Variants in CDH23 observed in about 807,000 individuals in gnomAD.
The protein encoded by CDH23 is cadherin-23.
CDH23 carries 189 observed loss-of-function variants against 317.1 expected under a neutral mutation model. The ratio of observed to expected loss-of-function variants is 0.60; its 90% CI spans 0.53 to 0.67. The LOEUF (loss-of-function observed/expected upper bound fraction) is 0.67. CDH23 is among the 30% of genes least tolerant of loss of function. The pLI is 0.00. For synonymous variants in CDH23, 1,839 were observed against 1,876.8 expected (o/e 0.98, Z 0.52); for missense variants, 4,401 against 4,592.4 (o/e 0.96, Z 1.20).
intron 3 of CDH23, among the ~76,000 whole-genome samples, chr10:71,449,034 G>T (rs1850306194): frequency 6.6e-6 from 1 of 152,186 alleles, no homozygotes; most frequent in East Asian, 1.9e-4. Flanking sequence ...ACCAAAATGG[G>T]TGACTGGATC....
intron 14 of CDH23, among the ~76,000 whole-genome samples, chr10:71,661,729 T>G: frequency 8.1e-5 from 1 of 12,388 alleles, no homozygotes; most frequent in Non-Finnish European, 1.7e-4. Context: ...CTGCGCGCCC[T>G]CCCACCCTGC....
chr10:71,425,156 G>C (rs974410228), intron 1 of CDH23, among the ~76,000 whole-genome samples: 2 of 150,220 alleles, frequency 1.3e-5, no homozygotes, highest in African/African-American at 4.9e-5. Flanking sequence ...TGTTGTGGAA[G>C]GTGCCCTGGA....
intron 6 of CDH23, among the ~76,000 whole-genome samples, chr10:71,561,608 G>A (rs935721636): frequency 6.6e-6 from 1 of 152,210 alleles, no homozygotes; most frequent in Non-Finnish European, 1.5e-5. Flanking sequence ...GAATTGCACA[G>A]GGTGGCCCAT....
chr10:71,736,195 C>T (rs543551028), intron 34 of CDH23, among the ~76,000 whole-genome samples: 4 of 152,364 alleles, frequency 2.6e-5, no homozygotes, highest in East Asian at 1.9e-4. Flanking sequence ...TGCCCTCTTC[C>T]GGTTAGCAGG....
At chr10:71,635,939 T>G (rs1862247796) in intron 11 of CDH23, among the ~76,000 whole-genome samples, 1 of 151,942 alleles carries the variant, frequency 6.6e-6, no homozygotes. Context: ...GGGCAAGGAT[T>G]GTTCTGGGGT....
At chr10:71,554,194 G>A (rs1856755804) in intron 6 of CDH23, among the ~76,000 whole-genome samples, 3 of 151,960 alleles carry the variant, frequency 2.0e-5, no homozygotes, top group South Asian at 4.1e-4. Context: ...TTGTTTTGTC[G>A]GATTTTTGTT....
chr10:71,606,130 C>T (rs565417933), intron 9 of CDH23, among the ~76,000 whole-genome samples: 8 of 152,126 alleles, frequency 5.3e-5, no homozygotes, highest in African/African-American at 1.7e-4. Flanking sequence ...TAAACTGGAG[C>T]CAGTTATTAG....
In CDH23 at chr10:71,617,209, C is replaced by T. The variant is rs781636195; in HGVS notation, c.950C>T (p.Thr317Met). 4.3e-6 allele frequency: 7 copies of T among 1,612,646 alleles called. No individual in the cohort carries two copies. Among genetic ancestry groups the T allele is most frequent in the East Asian group, 4.5e-5 (2 of 44,854 alleles). Residue 317 changes from threonine to methionine, a missense_variant, in exon 11 of 70, where the codon ACG (threonine) becomes ATG (methionine). Around this residue, in one of 3 missense-constraint regions of CDH23, gnomAD observed 3,068 missense variants for 3,203.3 expected, o/e 0.96. Coordinates refer to ENST00000224721, the MANE Select transcript of CDH23 (RefSeq NM_022124.6). ...GTGACTGATCTCTGTCCATAGGGCA[C>T]GGAGCTGAACGATGACCGCACCCCA... ...SHGFILTVKG[T>M]ELNDDRTPSD...
intron 1 of CDH23, among the ~76,000 whole-genome samples, chr10:71,402,752 C>T (rs1036385590): frequency 1.1e-4 from 17 of 151,856 alleles, no homozygotes; most frequent in Middle Eastern, 3.4e-3. Flanking sequence ...TGTGCACGCG[C>T]GCGCGCGCAC....
At chr10:71,486,136 G>A (rs899058901) in intron 3 of CDH23, among the ~76,000 whole-genome samples, 4 of 152,196 alleles carry the variant, frequency 2.6e-5, no homozygotes, top group Non-Finnish European at 5.9e-5. Context: ...GAATTAAGCT[G>A]CGAAGACATT....
At chr10:71,604,653 C>T (rs1050566678) in intron 9 of CDH23, among the ~76,000 whole-genome samples, 32 of 152,254 alleles carry the variant, frequency 2.1e-4, no homozygotes, top group Non-Finnish European at 4.4e-5. Context: ...CCCACCTCCA[C>T]CCTTTTGCTC....
At chr10:71,691,847 C>T (rs1865197730) in intron 20 of CDH23, among the ~76,000 whole-genome samples, 1 of 152,216 alleles carries the variant, frequency 6.6e-6, no homozygotes, top group South Asian at 2.1e-4. Flanking sequence ...TGGAAGTCAG[C>T]CTTCAATCCC....
chr10:71,453,610 T>C (rs1850553392), intron 3 of CDH23, among the ~76,000 whole-genome samples: 1 of 152,240 alleles, frequency 6.6e-6, no homozygotes, highest in Non-Finnish European at 1.5e-5. Context: ...CTGTCCCTCC[T>C]CCCTGAAACC....
At chr10:71,480,596 A>G (rs1313851301) in intron 3 of CDH23, among the ~76,000 whole-genome samples, 2 of 152,184 alleles carry the variant, frequency 1.3e-5, no homozygotes, top group Non-Finnish European at 2.9e-5. Context: ...GGGCAGAGGA[A>G]CAAAGGTATG....
In CDH23 at chr10:71,641,570, G is replaced by C. The variant is rs541805095; in HGVS notation, c.1135-2291G>C. Among the ~76,000 whole-genome samples, 11 of 152,328 alleles carry C rather than the reference G, an allele frequency of 7.2e-5. 1 individual carries two copies. The South Asian group carries it at 2.1e-3, about 29-fold the overall frequency. On this transcript the variant is annotated intron_variant, in intron 11 of 69. Coordinates refer to ENST00000224721, the MANE Select transcript of CDH23 (RefSeq NM_022124.6). ...CTCCTCAAAAGGTGGCTTCAGATCA[G>C]GATCAGCGTCGCCTGGAACTTGGTT...
intron 11 of CDH23, among the ~76,000 whole-genome samples, chr10:71,642,219 A>T (rs1862584834): frequency 6.6e-6 from 1 of 151,796 alleles, no homozygotes; most frequent in Admixed American, 6.6e-5. Flanking sequence ...CAGATGGTAC[A>T]TCTCAGTTTG....
At chr10:71,590,070 T>G (rs571522432) in intron 9 of CDH23, among the ~76,000 whole-genome samples, 2 of 152,340 alleles carry the variant, frequency 1.3e-5, no homozygotes, top group East Asian at 3.9e-4. Flanking sequence ...CCTGAGCACT[T>G]GAGCGGGCTG....
At chr10:71,528,688 T>C (rs1464243684) in intron 6 of CDH23, among the ~76,000 whole-genome samples, 1 of 152,192 alleles carries the variant, frequency 6.6e-6, no homozygotes, top group Non-Finnish European at 1.5e-5. Flanking sequence ...TGTGGAGAGA[T>C]AGGGGTCTAT....
intron 11 of CDH23, among the ~76,000 whole-genome samples, chr10:71,625,737 G>C (rs530993172): frequency 2.0e-5 from 3 of 152,188 alleles, no homozygotes; most frequent in Non-Finnish European, 4.4e-5. Context: ...CTTCTCCTGC[G>C]GGCCTCTTCG....
Sources: allele counts gnomAD v4.1 joint callset (sites outside exome capture counted in the v4.1 genomes callset), GRCh38; gene constraint gnomAD v4.1.1; regional missense constraint gnomAD v4.1.1; transcripts MANE v1.5; gene names NCBI Gene and HGNC (gene_info 2026-07-23, HGNC 2026-07-21).